VPS35L: variants seen among roughly 807,000 people sequenced by gnomAD.
VPS35L encodes VPS35 endosomal protein-sorting factor-like.
A neutral mutation model predicts 133.0 loss-of-function variants in VPS35L; 83 were observed. That is an observed-to-expected ratio of 0.62 (90% CI 0.52 to 0.75). VPS35L has a LOEUF of 0.75. Ranked by LOEUF, VPS35L falls within the 30% of genes least tolerant of loss-of-function variation. The probability of loss-of-function intolerance (pLI) is 0.00; values close to 1 mark genes in which losing one functional copy is unlikely to be tolerated. For synonymous variants in VPS35L, 423 were observed against 449.9 expected (o/e 0.94, Z 0.76); for missense variants, 1,083 against 1,206.8 (o/e 0.90, Z 1.52).
chr16:19,570,871 A>ATTT (rs1567388653), intron 3 of VPS35L, among the ~76,000 whole-genome samples: 3 of 55,526 alleles, frequency 5.4e-5, no homozygotes, highest in African/African-American at 4.3e-4. Context: ...ATATATATAT[A>ATTT]TATATATATA....
At chr16:19,659,960 C>A (rs1974425122) in intron 26 of VPS35L, among the ~76,000 whole-genome samples, 1 of 152,050 alleles carries the variant, frequency 6.6e-6, no homozygotes, top group African/African-American at 2.4e-5. Flanking sequence ...TTTTTATAGC[C>A]AGAACCCTGC....
chr16:19,676,133 C>G (rs1567478604), intron 27 of VPS35L, among the ~76,000 whole-genome samples: 1 of 152,068 alleles, frequency 6.6e-6, no homozygotes, highest in Non-Finnish European at 1.5e-5. Flanking sequence ...GCGCCCATAA[C>G]CCCAGCTGCT....
intron 28 of VPS35L, 143 bp from the exon 29 acceptor site, chr16:19,691,210 G>A: frequency 1.5e-6 from 1 of 667,346 alleles, no homozygotes; most frequent in South Asian, 1.7e-5. Flanking sequence ...CAAGCCCAGT[G>A]GGAAATTTCC....
At chr16:19,566,475 A>G (rs1971193997) in intron 2 of VPS35L, among the ~76,000 whole-genome samples, 1 of 152,150 alleles carries the variant, frequency 6.6e-6, no homozygotes, top group Admixed American at 6.5e-5. Flanking sequence ...CATCCTGGGC[A>G]ACAGAGAGAA....
At chr16:19,560,357 C>T (rs1417744142) in intron 1 of VPS35L, among the ~76,000 whole-genome samples, 2 of 152,218 alleles carry the variant, frequency 1.3e-5, no homozygotes, top group African/African-American at 4.8e-5. Context: ...CTGTTTTGAT[C>T]TAGCGTTTGC....
At chr16:19,666,927 T>TCTTTCTTCCTTC (rs1974699850) in intron 26 of VPS35L, among the ~76,000 whole-genome samples, 2 of 62,992 alleles carry the variant, frequency 3.2e-5, no homozygotes, top group East Asian at 4.3e-4. Flanking sequence ...TTTCTTTCTT[T>TCTTTCTTCCTTC]CTTTCTTCCT....
chr16:19,693,983 AGGG>A (rs1975810628), intron 29 of VPS35L: 2 of 151,736 alleles, frequency 1.3e-5, no homozygotes, highest in East Asian at 3.9e-4. Flanking sequence ...AAAAGAAAAA[AGGG>A]GGAATAAAAG....
intron 18 of VPS35L, among the ~76,000 whole-genome samples, chr16:19,630,973 C>T (rs1391614031): frequency 6.6e-6 from 1 of 152,110 alleles, no homozygotes; most frequent in Non-Finnish European, 1.5e-5. Context: ...TGCACTCCTA[C>T]ACTCCAGCCA....
At chr16:19,650,265 T>A in intron 24 of VPS35L, 117 bp from the exon 25 acceptor site, 1 of 838,750 alleles carries the variant, frequency 1.2e-6, no homozygotes. Context: ...CCAGTCTTGG[T>A]CCTAGAAAGC....
At chr16:19,597,544 A>G (rs1972255965) in intron 8 of VPS35L, among the ~76,000 whole-genome samples, 1 of 152,174 alleles carries the variant, frequency 6.6e-6, no homozygotes, top group African/African-American at 2.4e-5. Flanking sequence ...TGCGCTCGGT[A>G]CCTTCTGCAG....
At position 19,591,709 on chromosome 16, in the gene VPS35L, C is replaced by A. The variant is rs1972048742; in HGVS notation, c.640-81C>A. ...AAGTATCTCAACTTGTATATAGAAA[C>A]CATTAATTTTTCAGATCTGGAGTGT... On this transcript the variant is annotated intron_variant, in intron 7 of 30. Coordinates refer to ENST00000417362, the MANE Select transcript of VPS35L (RefSeq NM_020314.7). 6 of 1,051,960 alleles carry A rather than the reference C, an allele frequency of 5.7e-6. No individual in the cohort carries two copies. In the East Asian group the frequency reaches 9.5e-5, roughly 17 times the overall value. 65.2% of individuals were successfully genotyped at this position (1,051,960 alleles called of 1,614,324 possible). A position where few individuals can be genotyped will look rare whatever the true frequency, so the allele number is the denominator to read the frequency against.
At position 19,639,882 on chromosome 16, in the gene VPS35L, T is replaced by A. The variant is rs1017373121; in HGVS notation, c.1699-133T>A. On this transcript the variant is annotated intron_variant, in intron 20 of 30. Transcript: ENST00000417362. The surrounding 1 kb of genome is among the most constrained non-coding windows in gnomAD (Gnocchi z 4.1). The stretch of plus-strand genomic sequence containing the variant: ...GGTCCTCTCCCTGATTTCAGAGGAG[T>A]CCTCATCTGACCCGACTCAGAGAGA... The A allele has an allele frequency of 1.4e-6, 1 of 703,780 alleles. No homozygotes were observed. The highest frequency in any genetic ancestry group is 2.8e-5 in the Admixed American group (1 of 35,970). The allele number at this position is 703,780 out of a possible 1,614,324, so 43.6% of individuals were successfully genotyped here. A position where few individuals can be genotyped will look rare whatever the true frequency, so the allele number is the denominator to read the frequency against.
At chr16:19,613,342 T>G (rs144526291) in intron 12 of VPS35L, among the ~76,000 whole-genome samples, 3 of 145,094 alleles carry the variant, frequency 2.1e-5, no homozygotes, top group Non-Finnish European at 2.9e-5. Context: ...ATTAGTAAGA[T>G]TTCTTTCAGT....
intron 12 of VPS35L, among the ~76,000 whole-genome samples, chr16:19,610,795 A>G (rs1448965200): frequency 6.6e-6 from 1 of 151,860 alleles, no homozygotes; most frequent in Non-Finnish European, 1.5e-5. Context: ...TTGCTTTATT[A>G]GTTTTCTGCT....
chr16:19,560,054 G>A (rs1214802169), intron 1 of VPS35L, among the ~76,000 whole-genome samples: 4 of 152,130 alleles, frequency 2.6e-5, no homozygotes, highest in South Asian at 2.1e-4. Flanking sequence ...AATAAAATTC[G>A]TTCCAAAACT....
chr16:19,582,729 T>C (rs6497385), intron 7 of VPS35L, among the ~76,000 whole-genome samples: 44,306 of 152,194 alleles, frequency 0.29, 8,187 homozygotes, highest in African/African-American at 0.53. Context: ...AGTTTAGAAC[T>C]GTGTCTTCTA....
intron 21 of VPS35L, among the ~76,000 whole-genome samples, chr16:19,640,488 A>G (rs1213110757): frequency 6.6e-6 from 1 of 152,230 alleles, no homozygotes; most frequent in African/African-American, 2.4e-5. Context: ...AATTCCCTCA[A>G]GAGTAACATT....
chr16:19,693,300 G>T (rs1975766949), intron 29 of VPS35L, among the ~76,000 whole-genome samples: 1 of 152,086 alleles, frequency 6.6e-6, no homozygotes, highest in Non-Finnish European at 1.5e-5. Flanking sequence ...GGGGGCAGGG[G>T]AGGGCAATGA....
Position 19,635,620 on chromosome 16 carries a change from T to C in VPS35L, c.1636-1974T>C, listed in dbSNP as rs73537528. ...ATTAGTTTAGATTTCATTATATCAG[T>C]GTTAACTTTCCCAATTTGATGACAG... On this transcript the variant is annotated intron_variant, in intron 19 of 30. Coordinates refer to ENST00000417362, the MANE Select transcript of VPS35L (RefSeq NM_020314.7). 5.8e-3 allele frequency among the ~76,000 whole-genome samples: 885 copies of C among 152,262 alleles called. 11 individuals are homozygous for C. The highest frequency in any genetic ancestry group is 0.02 in the African/African-American group (825 of 41,538).
Sources: allele counts gnomAD v4.1 joint callset (sites outside exome capture counted in the v4.1 genomes callset), GRCh38; gene constraint gnomAD v4.1.1; non-coding constraint Gnocchi (gnomAD v3.1); transcripts MANE v1.5; gene names NCBI Gene and HGNC (gene_info 2026-07-23, HGNC 2026-07-21).